XKR7: variants seen among roughly 807,000 people sequenced by gnomAD.
XKR7 encodes XK related 7.
A neutral mutation model predicts 42.2 loss-of-function variants in XKR7; 11 were observed. The ratio of observed to expected loss-of-function variants is 0.26; its 90% CI spans 0.16 to 0.43. The LOEUF (loss-of-function observed/expected upper bound fraction) is 0.43, where lower values mean the gene tolerates loss of function less well. Ranked by LOEUF, XKR7 falls within the 20% of genes least tolerant of loss-of-function variation. The pLI is 1.00. For synonymous variants in XKR7, 346 were observed against 366.4 expected (o/e 0.94, Z 0.64); for missense variants, 710 against 802.2 (o/e 0.89, Z 1.39).
rs2064607606 is a variant in XKR7, at chr20:31,998,443, T to G, written c.*986T>G. 1 of 152,264 alleles carries G rather than the reference T, an allele frequency of 6.6e-6. No individual in the cohort carries two copies. Among genetic ancestry groups the G allele is most frequent in the Non-Finnish European group, 1.5e-5 (1 of 68,028 alleles). 9.4% of individuals were successfully genotyped at this position (152,264 alleles called of 1,614,324 possible). ...GTTCTAGAGTGCTAGGCTGATAAAA[T>G]GTCCCAGGGAGCCACTCTGATCTGT... On this transcript the variant is annotated 3_prime_UTR_variant, in exon 3 of 3. Transcript: ENST00000562532.
chr20:31,982,941 C>G (rs1188427615), intron 1 of XKR7, among the ~76,000 whole-genome samples: 1 of 152,222 alleles, frequency 6.6e-6, no homozygotes, highest in African/African-American at 2.4e-5. Flanking sequence ...CACATTACTA[C>G]TTTCTGATTT....
At chr20:31,969,660 C>T (rs774189840) in intron 1 of XKR7, among the ~76,000 whole-genome samples, 1 of 152,156 alleles carries the variant, frequency 6.6e-6, no homozygotes, top group Non-Finnish European at 1.5e-5. Context: ...TTAGGCAAGC[C>T]GCCCTCCTCC....
At chr20:31,996,455 CCG>C in intron 2 of XKR7, 48 bp from the exon 3 acceptor site, 1 of 577,858 alleles carries the variant, frequency 1.7e-6, no homozygotes, top group Non-Finnish European at 2.7e-6. Context: ...AGACCCCAAC[CCG>C]AGCCCGCCCC....
rs1428420320 is a variant in XKR7, at chr20:31,996,554, C to T, written c.837C>T (p.Ser279=). Residue 279 remains serine, a synonymous_variant, in exon 3 of 3, where the codon TCC becomes TCT. Coordinates refer to ENST00000562532, the MANE Select transcript of XKR7 (RefSeq NM_001011718.2). ...SLVSLAWTLA[S]YQKVLRDSRD... ...TGTCTCTGGCCTGGACGCTGGCCTC[C>T]TACCAGAAGGTGCTGCGGGACTCGC... is the stretch of plus-strand genomic sequence containing the variant. 5.9e-6 allele frequency: 9 copies of T among 1,517,064 alleles called. No individual in the cohort carries two copies. The East Asian group carries it at 1.8e-4, about 31-fold the overall frequency. The allele number at this position is 1,517,064 out of a possible 1,614,324, so 94.0% of individuals were successfully genotyped here. A position where few individuals can be genotyped will look rare whatever the true frequency, so the allele number is the denominator to read the frequency against.
chr20:31,968,325 G>A lies in XKR7; in HGVS notation c.150G>A (p.Pro50=), dbSNP rs780041482. ...PGVVGAGGPG[P]RYELRDCCWV... ...TCGTCGGGGCGGGCGGCCCGGGGCC[G>A]CGCTACGAGCTGCGGGACTGCTGCT... The change falls in exon 1 of 3, where the codon CCG becomes CCA. Residue 50 remains proline, a synonymous_variant. Transcript: ENST00000562532. The surrounding 1 kb of genome is among the most constrained non-coding windows in gnomAD (Gnocchi z 4.5). The A allele has an allele frequency of 7.4e-5, 110 of 1,489,442 alleles. No individual in the cohort carries two copies. The highest frequency in any genetic ancestry group is 9.2e-5 in the Non-Finnish European group (104 of 1,124,554). 92.3% of individuals were successfully genotyped at this position (1,489,442 alleles called of 1,614,324 possible).
intron 1 of XKR7, among the ~76,000 whole-genome samples, chr20:31,985,634 A>G (rs529061795): frequency 1.3e-5 from 2 of 151,612 alleles, no homozygotes; most frequent in African/African-American, 4.8e-5. Context: ...AGACAGACAG[A>G]CCACCAAGCA....
chr20:31,996,344 C>T, intron 2 of XKR7, among the ~76,000 whole-genome samples, 161 bp from the exon 3 acceptor site: 1 of 152,022 alleles, frequency 6.6e-6, no homozygotes, highest in East Asian at 1.9e-4. Flanking sequence ...CTTGAAGCTC[C>T]CCACCTCCCA....
At position 31,968,278 on chromosome 20, in the gene XKR7, G is replaced by A. The variant is rs1390022867; in HGVS notation, c.103G>A (p.Ala35Thr). The part of the protein sequence containing the change: ...GSAGGRGEAA[A>T]AAGPPGVVGA... Reference sequence around the variant, plus strand: ...TGCCGGCGGGCGCGGGGAGGCGGCGGCGGCGGCCGGGCCCCCGGGGGTCGT... The same window carrying A: ...TGCCGGCGGGCGCGGGGAGGCGGCGACGGCGGCCGGGCCCCCGGGGGTCGT... Residue 35 changes from alanine (A) to threonine (T), a missense_variant, in exon 1 of 3, where the codon GCG (alanine) becomes ACG (threonine). Physicochemically the swap from Ala to Thr is moderately conservative, Grantham distance 58. Coordinates refer to ENST00000562532, the MANE Select transcript of XKR7 (RefSeq NM_001011718.2). The surrounding 1 kb of genome is among the most constrained non-coding windows in gnomAD (Gnocchi z 4.5). The A allele has an allele frequency of 3.4e-6, 4 of 1,176,484 alleles. No individual in the cohort carries two copies. In the South Asian group the frequency reaches 1.7e-4, roughly 49 times the overall value. The allele number at this position is 1,176,484 out of a possible 1,614,324, so 72.9% of individuals were successfully genotyped here.
intron 1 of XKR7, among the ~76,000 whole-genome samples, chr20:31,973,191 C>T (rs1341372158): frequency 6.6e-6 from 1 of 152,202 alleles, no homozygotes; most frequent in Admixed American, 6.5e-5. Flanking sequence ...GCTTTGCTCC[C>T]TGTGGAACAA....
At chr20:31,979,637 C>A (rs2064502084) in intron 1 of XKR7, among the ~76,000 whole-genome samples, 1 of 152,102 alleles carries the variant, frequency 6.6e-6, no homozygotes, top group African/African-American at 2.4e-5. Flanking sequence ...TAAGCATTGG[C>A]ATTTGAGACC....
Position 31,997,275 on chromosome 20 carries a change from G to C in XKR7, c.1558G>C (p.Gly520Arg), listed in dbSNP as rs772526333. 2 of 1,612,190 alleles carry C rather than the reference G, an allele frequency of 1.2e-6. No homozygotes were observed. The highest frequency in any genetic ancestry group is 1.7e-6 in the Non-Finnish European group (2 of 1,180,012). ...TPVARTLRTE[G>R]PVIRIDLPRK... ...AGTGGCCCGCACCTTGCGGACAGAG[G>C]GGCCTGTCATCCGGATTGACTTGCC... Residue 520 changes from glycine to arginine, a missense_variant, in exon 3 of 3, where the codon GGG becomes CGG. Gly to Arg is a moderately radical substitution (Grantham distance 125, BLOSUM62 -2). This residue lies in a region of XKR7 where 708 missense variants were observed against 786.2 expected (regional missense o/e 0.90). Coordinates refer to ENST00000562532, the MANE Select transcript of XKR7 (RefSeq NM_001011718.2).
chr20:31,972,343 T>A (rs955240766), intron 1 of XKR7, among the ~76,000 whole-genome samples: 1 of 152,234 alleles, frequency 6.6e-6, no homozygotes, highest in Non-Finnish European at 1.5e-5. Context: ...CTCTATCTTT[T>A]ACACCACACA....
chr20:31,968,486 T>C lies in XKR7; in HGVS notation c.311T>C (p.Val104Ala). Residue 104 changes from valine to alanine, a missense_variant, in exon 1 of 3, where the codon GTG (valine) becomes GCG (alanine). Coordinates refer to ENST00000562532, the MANE Select transcript of XKR7 (RefSeq NM_001011718.2). This position sits in a 1 kb window ranked among gnomAD's most constrained non-coding sequence, Gnocchi z 4.5. ...TTCGTGCTCCTGCCCTCGCTGGTCGTGCAGTTACTGAGCTTCCGCTGGTTC... is the reference window on the plus strand; with the variant it reads ...TTCGTGCTCCTGCCCTCGCTGGTCGCGCAGTTACTGAGCTTCCGCTGGTTC... ...LLFVLLPSLV[V>A]QLLSFRWFVY... The C allele has an allele frequency of 6.2e-7, 1 of 1,613,804 alleles. No homozygotes were observed. Among genetic ancestry groups the C allele is most frequent in the East Asian group, 2.2e-5 (1 of 44,842 alleles).
chr20:31,980,352 G>A (rs1382601583), intron 1 of XKR7, among the ~76,000 whole-genome samples: 1 of 152,204 alleles, frequency 6.6e-6, no homozygotes, highest in Non-Finnish European at 1.5e-5. Context: ...AGGCAGATGG[G>A]GAGGGGGCCT....
At chr20:31,988,177 G>A (rs1308830059) in intron 1 of XKR7, among the ~76,000 whole-genome samples, 3 of 152,308 alleles carry the variant, frequency 2.0e-5, no homozygotes, top group Non-Finnish European at 2.9e-5. Flanking sequence ...ACTCAGGAAC[G>A]AAGAACAGGA....
At position 31,995,774 on chromosome 20, in the gene XKR7, CCCT is replaced by C. The variant is rs1314920170; in HGVS notation, c.787+513_787+515del. On this transcript the variant is annotated intron_variant, in intron 2 of 2. Coordinates refer to ENST00000562532, the MANE Select transcript of XKR7 (RefSeq NM_001011718.2). This position sits in a 1 kb window ranked among gnomAD's most constrained non-coding sequence, Gnocchi z 4.1. ...CCCAGGCCTAGTCCTGGCACCCATC[CCCT>C]CCTCCTCCCTACAGGCCCTGTTAAT... 6.6e-6 allele frequency among the ~76,000 whole-genome samples: 1 copy of C among 151,998 alleles called. No individual in the cohort carries two copies. The highest frequency in any genetic ancestry group is 2.4e-5 in the African/African-American group (1 of 41,356).
At chr20:31,987,242 A>C (rs1387228699) in intron 1 of XKR7, among the ~76,000 whole-genome samples, 2 of 148,020 alleles carry the variant, frequency 1.4e-5, no homozygotes, top group Non-Finnish European at 3.0e-5. Flanking sequence ...ATTAAGACAC[A>C]GACAGACAAA....
chr20:31,998,089 G>C lies in XKR7; in HGVS notation c.*632G>C, dbSNP rs1390037597. ...TGGATAGGAGAAAGAACTGGGGGGG[G>C]GGTCTAGGCTGGCAGAAGCATGGAG... is the stretch of plus-strand genomic sequence containing the variant. On this transcript the variant is annotated 3_prime_UTR_variant, in exon 3 of 3. Transcript: ENST00000562532. 1.1e-4 allele frequency: 14 copies of C among 130,188 alleles called. No individual in the cohort carries two copies. Among genetic ancestry groups the C allele is most frequent in the African/African-American group, 3.4e-4 (12 of 35,256 alleles). The allele number at this position is 130,188 out of a possible 1,614,324, so 8.1% of individuals were successfully genotyped here. A position where few individuals can be genotyped will look rare whatever the true frequency, so the allele number is the denominator to read the frequency against.
chr20:31,999,236 G>T lies in XKR7; in HGVS notation c.*1779G>T, dbSNP rs1215902042. ...CAGATGGGAAACTGAGGCCCAGAGT[G>T]GCAGCCACTCTCTCAAGGTCCCAGA... On this transcript the variant is annotated 3_prime_UTR_variant, in exon 3 of 3. Transcript: ENST00000562532. 6.6e-6 allele frequency: 1 copy of T among 151,686 alleles called. No individual in the cohort carries two copies. The highest frequency in any genetic ancestry group is 1.5e-5 in the Non-Finnish European group (1 of 67,892). 9.4% of individuals were successfully genotyped at this position (151,686 alleles called of 1,614,324 possible).
Sources: allele counts gnomAD v4.1 joint callset (sites outside exome capture counted in the v4.1 genomes callset), GRCh38; gene constraint gnomAD v4.1.1; regional missense constraint gnomAD v4.1.1; non-coding constraint Gnocchi (gnomAD v3.1); transcripts MANE v1.5; gene names NCBI Gene and HGNC (gene_info 2026-07-23, HGNC 2026-07-21).